IFT74: variants seen among roughly 807,000 people sequenced by gnomAD.
The protein encoded by IFT74 is intraflagellar transport 74.
A neutral mutation model predicts 96.7 loss-of-function variants in IFT74; 92 were observed. That is an observed-to-expected ratio of 0.95 (90% CI 0.80 to 1.13). IFT74 has a LOEUF of 1.13. Among genes scored for constraint, IFT74 ranks in the 50% most tolerant of loss-of-function variants. IFT74 has a pLI of 0.00. For synonymous variants in IFT74, 223 were observed against 213.2 expected, an observed-to-expected ratio of 1.05 and a Z score of -0.40; for missense variants, 811 against 698.2, an observed-to-expected ratio of 1.16 and a Z score of -1.82.
chr9:27,049,212 A>C (rs1484235566), intron 16 of IFT74, among the ~76,000 whole-genome samples: 2 of 152,116 alleles, frequency 1.3e-5, no homozygotes, highest in Non-Finnish European at 2.9e-5. Flanking sequence ...AAATAAACTT[A>C]TTTTTTAAAA....
chr9:27,005,849 TC>T (rs1828747229), intron 8 of IFT74, among the ~76,000 whole-genome samples: 1 of 152,114 alleles, frequency 6.6e-6, no homozygotes. Context: ...TTCTTTTTTT[TC>T]TTTTTTTGAG....
intron 13 of IFT74, among the ~76,000 whole-genome samples, chr9:27,029,912 T>A (rs1388749857): frequency 6.6e-6 from 1 of 152,164 alleles, no homozygotes; most frequent in Admixed American, 6.5e-5. Context: ...AAAGACTGAT[T>A]AACCTTATCC....
intron 12 of IFT74, among the ~76,000 whole-genome samples, chr9:27,028,057 C>G (rs1394764084): frequency 6.6e-6 from 1 of 152,186 alleles, no homozygotes; most frequent in African/African-American, 2.4e-5. Flanking sequence ...AAATACTCTT[C>G]TTTCCCCATT....
At position 27,058,686 on chromosome 9, in the gene IFT74, C is replaced by A. The variant is rs1032335054; in HGVS notation, c.1624-1905C>A. Among the ~76,000 whole-genome samples, 10 of 152,320 alleles carry A rather than the reference C, an allele frequency of 6.6e-5. No homozygotes were observed. The East Asian group carries it at 1.9e-3, about 29-fold the overall frequency. On this transcript the variant is annotated intron_variant, in intron 18 of 19. Transcript: ENST00000380062. The stretch of plus-strand genomic sequence containing the variant: ...TGCAGGTGTGAGCCACCACACTCGG[C>A]CTTTGGTGACATTTCTATAGCATTA...
At chr9:26,997,073 G>C (rs181160862) in intron 8 of IFT74, among the ~76,000 whole-genome samples, 1 of 151,794 alleles carries the variant, frequency 6.6e-6, no homozygotes, top group East Asian at 2.0e-4. Context: ...TTAGCCAGGC[G>C]TGGTGGCTCA....
chr9:26,963,950 A>G (rs1826488469), intron 2 of IFT74, among the ~76,000 whole-genome samples: 1 of 152,098 alleles, frequency 6.6e-6, no homozygotes, highest in East Asian at 1.9e-4. Flanking sequence ...TTTGCTGTGC[A>G]GAAGCTCTTT....
At chr9:27,040,614 G>A (rs550246902) in intron 13 of IFT74, among the ~76,000 whole-genome samples, 1 of 149,932 alleles carries the variant, frequency 6.7e-6, no homozygotes, top group Non-Finnish European at 1.5e-5. Flanking sequence ...AGTATTCCAA[G>A]TGCTAAGAAA....
Position 26,995,594 on chromosome 9 carries a change from G to C in IFT74, c.587+5399G>C, listed in dbSNP as rs928679971. 6 of 1,604,190 alleles carry C rather than the reference G, an allele frequency of 3.7e-6. No homozygotes were observed. The Admixed American group carries it at 6.7e-5, about 18-fold the overall frequency. ...AAATCCATCATCATCTACCACAAAT[G>C]AATGTAATTGTTCAAATATTACTGT... On this transcript the variant is annotated intron_variant, in intron 8 of 19. Transcript: ENST00000380062.
At chr9:26,974,482 T>C (rs1410078636) in intron 2 of IFT74, among the ~76,000 whole-genome samples, 2 of 152,174 alleles carry the variant, frequency 1.3e-5, no homozygotes, top group African/African-American at 4.8e-5. Context: ...TTTTTTGTTG[T>C]TGTATATCAA....
intron 9 of IFT74, 45 bp from the exon 10 acceptor site, chr9:27,011,861 C>A: frequency 7.5e-7 from 1 of 1,326,466 alleles, no homozygotes; most frequent in Non-Finnish European, 1.0e-6. Flanking sequence ...ACAAATTATT[C>A]TTAATGTAAT....
At chr9:26,969,865 C>T (rs1826809669) in intron 2 of IFT74, among the ~76,000 whole-genome samples, 1 of 152,096 alleles carries the variant, frequency 6.6e-6, no homozygotes, top group South Asian at 2.1e-4. Flanking sequence ...CACATTCCCT[C>T]AGCATTTGCT....
At position 27,017,056 on chromosome 9, in the gene IFT74, C is replaced by T. The variant is rs372209311; in HGVS notation, c.933+6C>T. 30 of 1,589,820 alleles carry T rather than the reference C, an allele frequency of 1.9e-5. 1 individual carries two copies. Among genetic ancestry groups the T allele is most frequent in the South Asian group, 5.8e-5 (5 of 86,050 alleles). On this transcript the variant is annotated splice_donor_region_variant and intron_variant, in intron 11 of 19. Coordinates refer to ENST00000380062, the MANE Select transcript of IFT74 (RefSeq NM_025103.4). The stretch of plus-strand genomic sequence containing the variant: ...GAGAGAAATTACTTAAGCAGGTGGG[C>T]AAAACAAACATACTTATTTTAAGAT...
chr9:26,997,479 A>AT (rs1828226973), intron 8 of IFT74, among the ~76,000 whole-genome samples: 2 of 151,886 alleles, frequency 1.3e-5, no homozygotes, highest in African/African-American at 2.4e-5. Context: ...TACTACAGGC[A>AT]TGCGCCACCA....
intron 6 of IFT74, among the ~76,000 whole-genome samples, chr9:26,987,508 G>A (rs1351201853): frequency 6.6e-6 from 1 of 152,140 alleles, no homozygotes; most frequent in African/African-American, 2.4e-5. Context: ...GCTATTTATA[G>A]ATTTAATGAG....
chr9:26,984,188 T>G, intron 4 of IFT74, 69 bp from the exon 5 acceptor site: 1 of 1,246,830 alleles, frequency 8.0e-7, no homozygotes, highest in Non-Finnish European at 1.1e-6. Flanking sequence ...AATGGAAAGT[T>G]TAAATTTTGC....
intron 16 of IFT74, among the ~76,000 whole-genome samples, chr9:27,053,197 A>G (rs571457799): frequency 2.4e-5 from 3 of 123,548 alleles, no homozygotes; most frequent in Non-Finnish European, 4.8e-5. Flanking sequence ...TAATGGAGCA[A>G]TCACTTCTTG....
chr9:27,056,701 G>C (rs1034491652), intron 18 of IFT74, among the ~76,000 whole-genome samples: 1 of 151,850 alleles, frequency 6.6e-6, no homozygotes, highest in African/African-American at 2.4e-5. Flanking sequence ...AAGATATATG[G>C]GGTAGTATAT....
intron 8 of IFT74, among the ~76,000 whole-genome samples, chr9:26,991,331 T>G (rs1414988854): frequency 6.6e-6 from 1 of 152,138 alleles, no homozygotes; most frequent in Admixed American, 6.5e-5. Flanking sequence ...TCAAGCGATG[T>G]TGCCTCAGCC....
chr9:26,954,463 A>G (rs778883798), upstream of IFT74, among the ~76,000 whole-genome samples: 4 of 152,124 alleles, frequency 2.6e-5, no homozygotes, highest in Non-Finnish European at 4.4e-5. Flanking sequence ...GGAGCTGCCT[A>G]ATTCATGAAT....
Sources: gnomAD v4.1 joint callset for allele counts (sites outside exome capture counted in the v4.1 genomes callset) on GRCh38, gnomAD v4.1.1 for gene constraint, MANE v1.5 for transcripts, NCBI Gene and HGNC (gene_info 2026-07-23, HGNC 2026-07-21) for gene names.